TNFRSF8: variants seen among roughly 807,000 people sequenced by gnomAD.
TNFRSF8 encodes tumor necrosis factor receptor superfamily member 8.
A neutral mutation model predicts 70.8 loss-of-function variants in TNFRSF8; 26 were observed. That is an observed-to-expected ratio of 0.37 (90% confidence interval 0.27 to 0.51). The LOEUF (loss-of-function observed/expected upper bound fraction) is 0.51. Among genes scored for constraint, TNFRSF8 ranks in the 20% least tolerant of loss-of-function variants. The pLI is 0.94. For synonymous variants in TNFRSF8, 356 were observed against 339.2 expected (o/e 1.05, Z -0.54); for missense variants, 720 against 807.9 (o/e 0.89, Z 1.32).
intron 1 of TNFRSF8, among the ~76,000 whole-genome samples, chr1:12,073,921 A>G (rs1230779141): frequency 6.6e-6 from 1 of 151,718 alleles, no homozygotes; most frequent in African/African-American, 2.4e-5. Context: ...TGTAGCTGCC[A>G]TTGTCCCGTG....
chr1:12,118,949 C>A (rs1570056795), intron 8 of TNFRSF8, among the ~76,000 whole-genome samples: 1 of 152,170 alleles, frequency 6.6e-6, no homozygotes, highest in African/African-American at 2.4e-5. Flanking sequence ...ACCACAACCT[C>A]CACCTCCCGG....
intron 10 of TNFRSF8, 48 bp downstream of exon 10, chr1:12,123,875 C>T (rs1641881666): frequency 1.3e-6 from 2 of 1,486,068 alleles, no homozygotes; most frequent in Non-Finnish European, 1.8e-6. Flanking sequence ...GGGCTTCCTC[C>T]TGGGGAAGTG....
intron 1 of TNFRSF8, among the ~76,000 whole-genome samples, chr1:12,083,073 C>G (rs892236535): frequency 1.3e-5 from 2 of 152,168 alleles, no homozygotes; most frequent in African/African-American, 4.8e-5. Flanking sequence ...AACAACATTA[C>G]TTATCAGAGA....
rs1036248081 is a variant in TNFRSF8 at position 12,079,350 on chromosome 1, T to C, written c.64-5114T>C. 9.2e-5 allele frequency among the ~76,000 whole-genome samples: 14 copies of C among 152,318 alleles called. No individual in the cohort carries two copies. In the East Asian group the frequency reaches 2.1e-3, roughly 23 times the overall value. ...TGGACACCTCACTTTGCCTTGAACC[T>C]GCGGGGAACTCCACCCAAAAGCCCC... On this transcript the variant is annotated intron_variant, in intron 1 of 14. Transcript: ENST00000263932.
chr1:12,092,589 G>T (rs1262234355), intron 2 of TNFRSF8, among the ~76,000 whole-genome samples: 1 of 145,342 alleles, frequency 6.9e-6, no homozygotes, highest in South Asian at 2.2e-4. Flanking sequence ...CTCACTGCAA[G>T]CTCCGCCTCC....
chr1:12,066,288 G>T (rs975803400), intron 1 of TNFRSF8, among the ~76,000 whole-genome samples: 4 of 151,044 alleles, frequency 2.6e-5, no homozygotes, highest in Non-Finnish European at 5.9e-5. Flanking sequence ...TCCAGTAAAG[G>T]TTCGGGAAGC....
intron 1 of TNFRSF8, among the ~76,000 whole-genome samples, chr1:12,072,584 G>A (rs1410093151): frequency 2.0e-5 from 3 of 151,928 alleles, no homozygotes; most frequent in Non-Finnish European, 2.9e-5. Context: ...TGGTTGGGGC[G>A]AGCCTGGGGC....
chr1:12,093,364 C>T (rs1188438463), intron 2 of TNFRSF8, among the ~76,000 whole-genome samples: 1 of 152,084 alleles, frequency 6.6e-6, no homozygotes, highest in Non-Finnish European at 1.5e-5. Flanking sequence ...ATGAAGTGAG[C>T]AATGTACTAG....
Position 12,097,094 on chromosome 1 carries a change from T to G in TNFRSF8, c.152-7T>G. The G allele has an allele frequency of 6.2e-7, 1 of 1,612,494 alleles. No homozygotes were observed. Among genetic ancestry groups the G allele is most frequent in the Non-Finnish European group, 8.5e-7 (1 of 1,178,914 alleles). ...CTGGCTTGGAGCTTCTCTGTTTCTTTTCCCAGGGCTGTTCCCGACACAGCA... is the reference window on the plus strand; with the variant it reads ...CTGGCTTGGAGCTTCTCTGTTTCTTGTCCCAGGGCTGTTCCCGACACAGCA... On this transcript the variant is annotated splice_region_variant and splice_polypyrimidine_tract_variant and intron_variant, in intron 2 of 14. Coordinates refer to ENST00000263932, the MANE Select transcript of TNFRSF8 (RefSeq NM_001243.5).
Position 12,099,660 on chromosome 1 carries a change from C to G in TNFRSF8, c.268+2443C>G, listed in dbSNP as rs574269342. ...ATTGACAGGAATACATTCTGACAAA[C>G]GTGTCATTAGGCAATTTTGTCGTTG... On this transcript the variant is annotated intron_variant, in intron 3 of 14. Transcript: ENST00000263932. 1.4e-4 allele frequency among the ~76,000 whole-genome samples: 21 copies of G among 151,784 alleles called. 1 individual carries two copies. In the South Asian group the frequency reaches 4.2e-3, roughly 30 times the overall value.
At position 12,126,230 on chromosome 1, in the gene TNFRSF8, C is replaced by G. The variant is rs1641937517; in HGVS notation, c.1303C>G (p.Leu435Val). Residue 435 changes from leucine to valine, a missense_variant, in exon 12 of 15, where the codon CTT (leucine) becomes GTT (valine). Coordinates refer to ENST00000263932, the MANE Select transcript of TNFRSF8 (RefSeq NM_001243.5). ...CCAGACCTCCCAGCCCAAGCTAGAG[C>G]TTGTGGGTGAGTGTCCAGCCGTCCA... is the stretch of plus-strand genomic sequence containing the variant. ...PVQTSQPKLE[L>V]VDSRPRRSST... is the part of the protein sequence containing the mutation. The G allele has an allele frequency of 6.2e-7, 1 of 1,614,044 alleles. No homozygotes were observed. Among genetic ancestry groups the G allele is most frequent in the African/African-American group, 1.3e-5 (1 of 74,936 alleles).
chr1:12,083,972 T>A (rs1001363997), intron 1 of TNFRSF8, among the ~76,000 whole-genome samples: 1 of 152,094 alleles, frequency 6.6e-6, no homozygotes, highest in South Asian at 2.1e-4. Context: ...GCTGGCAAGG[T>A]CCCATTTGAT....
chr1:12,075,318 T>C (rs1640921172), intron 1 of TNFRSF8, among the ~76,000 whole-genome samples: 1 of 151,902 alleles, frequency 6.6e-6, no homozygotes, highest in African/African-American at 2.4e-5. Flanking sequence ...ACTCCTGGGC[T>C]TAAGCAATCC....
chr1:12,122,747 A>G (rs938915770), intron 8 of TNFRSF8, among the ~76,000 whole-genome samples: 4 of 152,226 alleles, frequency 2.6e-5, no homozygotes, highest in Non-Finnish European at 4.4e-5. Context: ...AGGCGATTTC[A>G]GTTTTCTCTT....
chr1:12,109,692 A>G lies in TNFRSF8; in HGVS notation c.512+36A>G. On this transcript the variant is annotated intron_variant, in intron 5 of 14. Transcript: ENST00000263932. This position sits in a 1 kb window ranked among gnomAD's most constrained non-coding sequence, Gnocchi z 4.4. ...GGCTTTGCCTCCTCCTCTTCCCCCAAGCTGGCTTTCAGATGAGGCTGCCCC... is the reference window on the plus strand; with the variant it reads ...GGCTTTGCCTCCTCCTCTTCCCCCAGGCTGGCTTTCAGATGAGGCTGCCCC... 5 of 1,582,496 alleles carry G rather than the reference A, an allele frequency of 3.2e-6. No homozygotes were observed. Among genetic ancestry groups the G allele is most frequent in the Middle Eastern group, 1.7e-4 (1 of 5,980 alleles).
chr1:12,142,271 T>A lies in TNFRSF8; in HGVS notation c.1544-16T>A, dbSNP rs1353568842. ...TGCTCTGGCCTCCCTCGCTCACCCA[T>A]CCTTTTGCCTTGCAGAGAAAATCTA... On this transcript the variant is annotated splice_polypyrimidine_tract_variant and intron_variant, in intron 14 of 14. Transcript: ENST00000263932. This position sits in a 1 kb window ranked among gnomAD's most constrained non-coding sequence, Gnocchi z 5.0. 6.4e-7 allele frequency: 1 copy of A among 1,572,202 alleles called. No individual in the cohort carries two copies. Among genetic ancestry groups the A allele is most frequent in the East Asian group, 2.3e-5 (1 of 43,782 alleles).
chr1:12,102,652 AG>A (rs1306428216), intron 3 of TNFRSF8, among the ~76,000 whole-genome samples: 3 of 151,998 alleles, frequency 2.0e-5, no homozygotes, highest in African/African-American at 7.3e-5. Flanking sequence ...CAGCCTCCCC[AG>A]TAGCTTGGAT....
chr1:12,123,728 C>G lies in TNFRSF8; in HGVS notation c.1054C>G (p.Gln352Glu), dbSNP rs896532004. Residue 352 changes from glutamine (Q) to glutamate (E), a missense_variant, in exon 10 of 15, where the codon CAG (glutamine) becomes GAG (glutamate). Coordinates refer to ENST00000263932, the MANE Select transcript of TNFRSF8 (RefSeq NM_001243.5). ...TTCTCCCCGCAGCACCAGCCCCACT[C>G]AGAGCTTGCTGGTGGACTCCCAGGC... ...GEAPASTSPT[Q>E]SLLVDSQASK... The G allele has an allele frequency of 3.2e-6, 5 of 1,565,336 alleles. No individual in the cohort carries two copies. In the Admixed American group the frequency reaches 9.5e-5, roughly 30 times the overall value.
intron 8 of TNFRSF8, among the ~76,000 whole-genome samples, chr1:12,116,256 C>T (rs1269374859): frequency 1.3e-5 from 2 of 152,078 alleles, no homozygotes; most frequent in Non-Finnish European, 2.9e-5. Flanking sequence ...GCTGGGATTA[C>T]AGGCCTGAGC....
Sources: allele counts gnomAD v4.1 joint callset (sites outside exome capture counted in the v4.1 genomes callset), GRCh38; gene constraint gnomAD v4.1.1; non-coding constraint Gnocchi (gnomAD v3.1); transcripts MANE v1.5; gene names NCBI Gene and HGNC (gene_info 2026-07-23, HGNC 2026-07-21).